GRIP1: variants seen among roughly 807,000 people sequenced by gnomAD.
The protein encoded by GRIP1 is glutamate receptor interacting protein 1.
GRIP1 carries 45 observed loss-of-function variants against 129.9 expected under a neutral mutation model. That is an observed-to-expected ratio of 0.35 (90% CI 0.27 to 0.44). The LOEUF (loss-of-function observed/expected upper bound fraction) is 0.44, where lower values mean the gene tolerates loss of function less well. Among genes scored for constraint, GRIP1 ranks in the 20% least tolerant of loss-of-function variants. The pLI is 1.00. For missense variants in GRIP1, 1,196 were observed against 1,396.8 expected (o/e 0.86, Z 2.29); for synonymous variants, 530 against 520.8 (o/e 1.02, Z -0.24).
chr12:66,857,924 A>C (rs191023636), intron 1 of GRIP1, among the ~76,000 whole-genome samples: 3 of 152,112 alleles, frequency 2.0e-5, no homozygotes, highest in Admixed American at 2.0e-4. Context: ...GTAAAGCCAT[A>C]TTAATGTCGA....
At chr12:66,824,499 T>C (rs1000235074) in intron 1 of GRIP1, among the ~76,000 whole-genome samples, 1 of 152,134 alleles carries the variant, frequency 6.6e-6, no homozygotes, top group African/African-American at 2.4e-5. Flanking sequence ...GCAAATGGCC[T>C]ACTCATCATG....
At chr12:66,896,191 G>A (rs1055636455) in intron 1 of GRIP1, among the ~76,000 whole-genome samples, 1 of 152,114 alleles carries the variant, frequency 6.6e-6, no homozygotes, top group African/African-American at 2.4e-5. Flanking sequence ...TTCTGTGATG[G>A]GATGACTGGA....
At chr12:66,903,347 A>G (rs910064454) in intron 1 of GRIP1, among the ~76,000 whole-genome samples, 279 of 150,916 alleles carry the variant, frequency 1.8e-3, no homozygotes, top group Non-Finnish European at 2.0e-3. Flanking sequence ...ATACTTCAAG[A>G]GCGCTTTTTT....
intron 9 of GRIP1, among the ~76,000 whole-genome samples, chr12:66,459,342 G>A (rs1234577939): frequency 6.6e-6 from 1 of 152,192 alleles, no homozygotes; most frequent in Non-Finnish European, 1.5e-5. Context: ...AGACATTTCA[G>A]CAAGACGCAG....
chr12:66,545,618 A>T (rs1187516880), intron 2 of GRIP1, among the ~76,000 whole-genome samples: 1 of 152,200 alleles, frequency 6.6e-6, no homozygotes, highest in Non-Finnish European at 1.5e-5. Flanking sequence ...AAGGCATCCC[A>T]TTCATTCATT....
At chr12:66,856,710 A>C (rs1378857311) in intron 1 of GRIP1, among the ~76,000 whole-genome samples, 1 of 151,634 alleles carries the variant, frequency 6.6e-6, no homozygotes, top group Non-Finnish European at 1.5e-5. Context: ...GATCATTAAA[A>C]AGTCAGGAAA....
chr12:66,691,019 G>C (rs1224231104), intron 1 of GRIP1, among the ~76,000 whole-genome samples: 1 of 152,084 alleles, frequency 6.6e-6, no homozygotes, highest in Admixed American at 6.6e-5. Context: ...AGTGTAAATA[G>C]GTTCCCTTTT....
At chr12:66,963,342 G>C (rs1357328035) in intron 1 of GRIP1, among the ~76,000 whole-genome samples, 3 of 151,852 alleles carry the variant, frequency 2.0e-5, no homozygotes, top group African/African-American at 7.3e-5. Flanking sequence ...AATAATGAAA[G>C]TTTAAACTTA....
At chr12:66,741,932 T>C (rs772463639) in intron 1 of GRIP1, among the ~76,000 whole-genome samples, 2 of 152,176 alleles carry the variant, frequency 1.3e-5, no homozygotes, top group African/African-American at 2.4e-5. Context: ...CTGTTTCTTT[T>C]CATTGCTTCC....
chr12:66,834,926 T>TTA (rs2039584367), intron 1 of GRIP1, among the ~76,000 whole-genome samples: 1 of 92,552 alleles, frequency 1.1e-5, no homozygotes, highest in Non-Finnish European at 2.0e-5. Context: ...CTCGTCTCTT[T>TTA]AAAAAAAAAA....
intron 1 of GRIP1, among the ~76,000 whole-genome samples, chr12:66,732,800 CAGAT>C (rs1351196112): frequency 2.0e-5 from 3 of 152,098 alleles, no homozygotes; most frequent in African/African-American, 4.8e-5. Flanking sequence ...AAGTTATATG[CAGAT>C]TTTCTGACTA....
At chr12:66,614,121 A>G (rs2064932803) in intron 1 of GRIP1, among the ~76,000 whole-genome samples, 1 of 151,948 alleles carries the variant, frequency 6.6e-6, no homozygotes, top group Non-Finnish European at 1.5e-5. Flanking sequence ...TCAGACCTAT[A>G]AATAAGTATA....
intron 1 of GRIP1, among the ~76,000 whole-genome samples, chr12:66,598,801 C>T (rs934699684): frequency 3.3e-5 from 5 of 152,168 alleles, no homozygotes; most frequent in African/African-American, 4.8e-5. Context: ...TTAGGTACGG[C>T]ATCTTGGAAG....
chr12:66,688,960 T>A (rs2034882029), intron 1 of GRIP1, among the ~76,000 whole-genome samples: 1 of 152,120 alleles, frequency 6.6e-6, no homozygotes, highest in African/African-American at 2.4e-5. Flanking sequence ...CTTCTTAACA[T>A]CCAGGTGCAC....
intron 1 of GRIP1, among the ~76,000 whole-genome samples, chr12:66,904,902 C>A (rs867888119): frequency 6.4e-4 from 86 of 134,744 alleles, no homozygotes; most frequent in African/African-American, 1.6e-3. Flanking sequence ...AAAAAAAAAA[C>A]AAAAAAAAGT....
chr12:66,468,529 TAA>T (rs2059348491), intron 7 of GRIP1, among the ~76,000 whole-genome samples: 1 of 152,210 alleles, frequency 6.6e-6, no homozygotes, highest in Non-Finnish European at 1.5e-5. Context: ...TGTGCAGATG[TAA>T]ATTTTATAAA....
chr12:66,351,019 GGTAA>G (rs1236013244), intron 24 of GRIP1, among the ~76,000 whole-genome samples: 1 of 152,144 alleles, frequency 6.6e-6, no homozygotes, highest in African/African-American at 2.4e-5. Context: ...ACTCATAGAA[GGTAA>G]GTAACTTGTC....
intron 7 of GRIP1, among the ~76,000 whole-genome samples, chr12:66,478,236 T>A (rs2059685085): frequency 4.6e-5 from 7 of 152,190 alleles, no homozygotes; most frequent in Admixed American, 4.6e-4. Flanking sequence ...CAGACACTTC[T>A]CAAAAGAAGA....
intron 19 of GRIP1, among the ~76,000 whole-genome samples, chr12:66,380,665 C>G (rs1050605535): frequency 2.0e-5 from 3 of 152,174 alleles, no homozygotes; most frequent in Non-Finnish European, 2.9e-5. Flanking sequence ...CAAGTATTTA[C>G]ATTTTGTGAG....
Sources: gnomAD v4.1 joint callset for allele counts (sites outside exome capture counted in the v4.1 genomes callset) on GRCh38, gnomAD v4.1.1 for gene constraint, MANE v1.5 for transcripts, NCBI Gene and HGNC (gene_info 2026-07-23, HGNC 2026-07-21) for gene names.